KIAA1671: variants seen among roughly 807,000 people sequenced by gnomAD.
The protein encoded by KIAA1671 is KIAA1671, also known as uncharacterized protein KIAA1671.
In KIAA1671, 52 loss-of-function variants were observed where a neutral mutation model predicts 131.2. The ratio of observed to expected loss-of-function variants is 0.40; its 90% CI spans 0.32 to 0.50. The LOEUF is 0.50. Among genes scored for constraint, KIAA1671 ranks in the 20% least tolerant of loss-of-function variants. The pLI is 0.73. For missense variants in KIAA1671, 2,360 were observed against 2,364.2 expected (o/e 1.00, Z 0.04); for synonymous variants, 1,003 against 961.6 (o/e 1.04, Z -0.80).
Position 25,179,949 on chromosome 22 carries a change from T to TA in KIAA1671, c.5075-1750_5075-1749insA, listed in dbSNP as rs35986149. ...CCGTATCAAAACCTGAGCTGAATCTTGAAGAATGGATAATAATGAGTTAGG... is the reference window on the plus strand; with the variant it reads ...CCGTATCAAAACCTGAGCTGAATCTTAGAAGAATGGATAATAATGAGTTAGG... On this transcript the variant is annotated intron_variant, in intron 9 of 12. Transcript: ENST00000358431. 4.5e-3 allele frequency among the ~76,000 whole-genome samples: 683 copies of TA among 152,340 alleles called. 4 individuals carry two copies. The highest frequency in any genetic ancestry group is 0.016 in the African/African-American group (647 of 41,584).
chr22:25,132,465 C>T (rs1932485678), intron 6 of KIAA1671, among the ~76,000 whole-genome samples: 1 of 152,202 alleles, frequency 6.6e-6, no homozygotes, highest in Admixed American at 6.5e-5. Context: ...TGCCAGTTAC[C>T]TCCTGAGCGA....
At chr22:24,961,050 C>T (rs1339970653) in intron 1 of KIAA1671, among the ~76,000 whole-genome samples, 1 of 152,102 alleles carries the variant, frequency 6.6e-6, no homozygotes. Flanking sequence ...GCTCTTTCAT[C>T]CAGGCTGGAA....
chr22:25,063,776 A>T (rs767552445), intron 6 of KIAA1671: 1 of 152,230 alleles, frequency 6.6e-6, no homozygotes, highest in Non-Finnish European at 1.5e-5. Flanking sequence ...AGTATACCGA[A>T]GCGTAACTAT....
At chr22:25,090,335 A>G (rs1053484604) in intron 6 of KIAA1671, among the ~76,000 whole-genome samples, 1 of 152,346 alleles carries the variant, frequency 6.6e-6, no homozygotes, top group African/African-American at 2.4e-5. Flanking sequence ...GGCTGTTCTC[A>G]GCATCCTCCA....
chr22:24,989,308 C>T (rs769057704), intron 1 of KIAA1671, among the ~76,000 whole-genome samples: 8 of 152,170 alleles, frequency 5.3e-5, no homozygotes, highest in Non-Finnish European at 1.0e-4. Flanking sequence ...GTTTATTCCC[C>T]ACTGGGTGCC....
At chr22:25,167,374 C>T (rs920467814) in intron 6 of KIAA1671, among the ~76,000 whole-genome samples, 4 of 152,144 alleles carry the variant, frequency 2.6e-5, no homozygotes, top group Non-Finnish European at 5.9e-5. Flanking sequence ...TTGATTTAGC[C>T]TCAGGGGTGT....
intron 1 of KIAA1671, among the ~76,000 whole-genome samples, chr22:25,020,392 A>G (rs977653749): frequency 1.3e-5 from 2 of 152,302 alleles, no homozygotes; most frequent in African/African-American, 4.8e-5. Context: ...TACAATTTAC[A>G]TTGTCGCTAG....
chr22:25,071,220 G>A (rs1317157544), intron 6 of KIAA1671, among the ~76,000 whole-genome samples: 1 of 152,166 alleles, frequency 6.6e-6, no homozygotes, highest in Non-Finnish European at 1.5e-5. Flanking sequence ...CAGAATATTT[G>A]CCACTGGTTT....
intron 11 of KIAA1671, chr22:25,185,631 G>GAGGCTCTCAGGCTCTC (rs16628): frequency 5.9e-5 from 9 of 151,536 alleles, no homozygotes; most frequent in African/African-American, 1.9e-4. Context: ...TGCCCCCCAA[G>GAGGCTCTCAGGCTCTC]AGGCTCTCAG....
intron 10 of KIAA1671, 102 bp from the exon 11 acceptor site, chr22:25,184,875 C>T (rs923834796): frequency 2.1e-6 from 3 of 1,407,266 alleles, no homozygotes; most frequent in Non-Finnish European, 2.9e-6. Context: ...TCAGGGGGCC[C>T]CGAGTGTTTG....
At chr22:25,147,038 G>A (rs950520958) in intron 6 of KIAA1671, among the ~76,000 whole-genome samples, 1 of 152,138 alleles carries the variant, frequency 6.6e-6, no homozygotes, top group Non-Finnish European at 1.5e-5. Context: ...AGGGCAATAT[G>A]ATTTAGGGAA....
chr22:25,027,830 C>CT (rs1446408567), intron 2 of KIAA1671, 115 bp from the exon 3 acceptor site: 2 of 563,570 alleles, frequency 3.5e-6, no homozygotes, highest in Admixed American at 7.3e-5. Flanking sequence ...CAGCAGAGGG[C>CT]TGTCGTATGG....
chr22:25,085,691 A>C (rs1209765906), intron 6 of KIAA1671, among the ~76,000 whole-genome samples: 1 of 148,526 alleles, frequency 6.7e-6, no homozygotes, highest in South Asian at 2.1e-4. Context: ...CCTGGGATTC[A>C]TTCCTCTGCC....
chr22:25,128,031 A>G (rs1476293899), intron 6 of KIAA1671, among the ~76,000 whole-genome samples: 1 of 152,210 alleles, frequency 6.6e-6, no homozygotes, highest in East Asian at 1.9e-4. Flanking sequence ...GACCTTGGCC[A>G]AGGGCCTCAA....
Position 25,093,796 on chromosome 22 carries a change from C to T in KIAA1671, c.4530+44432C>T, listed in dbSNP as rs199666066. ...TCTCTCTCTCTCTCTCTCTCTCTCT[C>T]TCTCTCTCTCTCTCTGTCTCTCTCT... On this transcript the variant is annotated intron_variant, in intron 6 of 12. Transcript: ENST00000358431. Among the ~76,000 whole-genome samples, 16 of 141,688 alleles carry T rather than the reference C, an allele frequency of 1.1e-4. 1 individual carries two copies. Among genetic ancestry groups the T allele is most frequent in the African/African-American group, 1.9e-4 (7 of 37,760 alleles). The allele number at this position is 141,688 out of a possible 152,430, so 93.0% of individuals were successfully genotyped here. A position where few individuals can be genotyped will look rare whatever the true frequency, so the allele number is the denominator to read the frequency against.
Position 25,194,255 on chromosome 22 carries a change from T to G in KIAA1671, c.*1854T>G, listed in dbSNP as rs561903741. 136 of 152,282 alleles carry G rather than the reference T, an allele frequency of 8.9e-4. No homozygotes were observed. The highest frequency in any genetic ancestry group is 3.1e-3 in the African/African-American group (130 of 41,546). 9.4% of individuals were successfully genotyped at this position (152,282 alleles called of 1,614,324 possible). A position where few individuals can be genotyped will look rare whatever the true frequency, so the allele number is the denominator to read the frequency against. ...TGACCAGCTAATTTTTAAATATTTT[T>G]GTAGAGACAAGGGTCTTACCATGTT... On this transcript the variant is annotated 3_prime_UTR_variant, in exon 13 of 13. Coordinates refer to ENST00000358431, the MANE Select transcript of KIAA1671 (RefSeq NM_001145206.2).
intron 6 of KIAA1671, among the ~76,000 whole-genome samples, chr22:25,088,115 T>C (rs531317854): frequency 3.1e-4 from 36 of 115,652 alleles, no homozygotes; most frequent in African/African-American, 7.6e-4. Context: ...TTCTTTCTTT[T>C]TTTTTTTTTT....
intron 6 of KIAA1671, chr22:25,064,137 C>T (rs902488081): frequency 2.0e-5 from 3 of 152,242 alleles, no homozygotes; most frequent in Non-Finnish European, 4.4e-5. Flanking sequence ...AATCTCGGCT[C>T]ACTGCAGCCT....
intron 6 of KIAA1671, among the ~76,000 whole-genome samples, chr22:25,076,531 CT>C (rs987926607): frequency 6.6e-6 from 1 of 152,168 alleles, no homozygotes. Flanking sequence ...AAGCTTGGTG[CT>C]GGTCCAGCAA....
Sources: allele counts gnomAD v4.1 joint callset (sites outside exome capture counted in the v4.1 genomes callset), GRCh38; gene constraint gnomAD v4.1.1; transcripts MANE v1.5; gene names NCBI Gene and HGNC (gene_info 2026-07-23, HGNC 2026-07-21).